The following CEP72 variants were observed in gnomAD, a reference collection of about 807,000 sequenced individuals.
CEP72 encodes the protein centrosomal protein 72.
Under a neutral mutation model 65.7 loss-of-function variants are expected in CEP72, and 78 were observed. That is an observed-to-expected ratio of 1.19 (90% CI 0.99 to 1.43). The LOEUF (loss-of-function observed/expected upper bound fraction) is 1.43, where lower values mean the gene tolerates loss of function less well. Ranked by LOEUF, CEP72 falls within the 40% of genes most tolerant of loss-of-function variation. The pLI is 0.00. For synonymous variants in CEP72, 358 were observed against 351.7 expected, an observed-to-expected ratio of 1.02 and a Z score of -0.20; for missense variants, 914 against 832.9, an observed-to-expected ratio of 1.10 and a Z score of -1.20.
At chr5:657,567 T>G (rs1434766983), downstream of CEP72, among the ~76,000 whole-genome samples, 1 of 152,238 alleles carries the variant, frequency 6.6e-6, no homozygotes, top group Admixed American at 6.5e-5. Flanking sequence ...TCAGGAGGTT[T>G]GACTACTGAT....
intron 5 of CEP72, 46 bp from the exon 6 acceptor site, chr5:635,326 C>A: frequency 1.4e-6 from 2 of 1,414,674 alleles, no homozygotes; most frequent in Non-Finnish European, 1.9e-6. Context: ...TGGAATAAAA[C>A]TTTTACAATG....
intron 1 of CEP72, among the ~76,000 whole-genome samples, chr5:618,134 G>A (rs1452421200): frequency 1.3e-5 from 2 of 152,122 alleles, no homozygotes; most frequent in African/African-American, 4.8e-5. Context: ...AAGTGGAGGC[G>A]GGAGATGAAG....
intron 10 of CEP72, among the ~76,000 whole-genome samples, 153 bp downstream of exon 10, chr5:644,578 G>T (rs1193703558): frequency 6.6e-6 from 1 of 152,222 alleles, no homozygotes; most frequent in Non-Finnish European, 1.5e-5. Flanking sequence ...TGGCTGGGGT[G>T]GAGGCTGCCT....
chr5:666,346 C>T (rs1427224854), intron 4 of CEP72, among the ~76,000 whole-genome samples: 1 of 152,250 alleles, frequency 6.6e-6, no homozygotes, highest in African/African-American at 2.4e-5. Flanking sequence ...CTGCAGGCCG[C>T]TCTGACACAG....
chr5:670,304 G>C (rs151211160), downstream of CEP72, among the ~76,000 whole-genome samples: 1 of 152,144 alleles, frequency 6.6e-6, no homozygotes, highest in African/African-American at 2.4e-5. Flanking sequence ...GCCGGCGGGC[G>C]AGGTGACAGC....
At position 623,178 on chromosome 5, in the gene CEP72, A is replaced by G. The variant is rs2126745004; in HGVS notation, c.404-1293A>G. Among the ~76,000 whole-genome samples the G allele has an allele frequency of 6.6e-6, 1 of 152,236 alleles. No individual in the cohort carries two copies. Among genetic ancestry groups the G allele is most frequent in the African/African-American group, 2.4e-5 (1 of 41,528 alleles). The stretch of plus-strand genomic sequence containing the variant: ...CTCCCTCTTAGTGTTTCTGCAGAGA[A>G]GGAGCGCGACCGTCTCCCCTCTTAG... On this transcript the variant is annotated intron_variant, in intron 3 of 11. Transcript: ENST00000264935. This position sits in a 1 kb window ranked among gnomAD's most constrained non-coding sequence, Gnocchi z 5.3.
chr5:614,847 A>AAT (rs1317407745), intron 1 of CEP72, among the ~76,000 whole-genome samples: 2 of 151,994 alleles, frequency 1.3e-5, no homozygotes, highest in African/African-American at 4.8e-5. Context: ...GGTGCACTTG[A>AAT]GTGTGTGTGT....
At chr5:668,255 G>A (rs76677870), downstream of CEP72, among the ~76,000 whole-genome samples, 63 of 31,898 alleles carry the variant, frequency 2.0e-3, no homozygotes, top group Non-Finnish European at 2.6e-3. Flanking sequence ...AGGGAAGTGC[G>A]GACAAGCACA....
chr5:648,532 AG>A, intron 11 of CEP72, among the ~76,000 whole-genome samples: 1 of 138,692 alleles, frequency 7.2e-6, no homozygotes, highest in East Asian at 2.2e-4. Context: ...TGTGACTGTG[AG>A]GTGTGACTGT....
At chr5:670,240 G>A (rs1740166163), downstream of CEP72, among the ~76,000 whole-genome samples, 1 of 152,174 alleles carries the variant, frequency 6.6e-6, no homozygotes, top group African/African-American at 2.4e-5. Flanking sequence ...TGTGCATCCA[G>A]CACCCTTGTG....
At chr5:641,722 C>T in intron 9 of CEP72, 1 of 984,992 alleles carries the variant, frequency 1.0e-6, no homozygotes, top group Non-Finnish European at 1.2e-6. Flanking sequence ...TGCATTTAAA[C>T]ACACATGGCC....
chr5:659,085 T>C (rs569785384), downstream of CEP72, among the ~76,000 whole-genome samples: 13 of 152,390 alleles, frequency 8.5e-5, no homozygotes, highest in South Asian at 2.7e-3. Context: ...GATGATCTCC[T>C]GTCATCCCGC....
intron 11 of CEP72, among the ~76,000 whole-genome samples, chr5:651,491 C>G (rs888386360): frequency 6.6e-6 from 1 of 151,946 alleles, no homozygotes; most frequent in Non-Finnish European, 1.5e-5. Flanking sequence ...ACCTGGTTCC[C>G]CTGGGCGGTA....
At chr5:674,223 G>T in the CEP72 span, among the ~76,000 whole-genome samples, 1 of 152,198 alleles carries the variant, frequency 6.6e-6, no homozygotes, top group Non-Finnish European at 1.5e-5. Context: ...CGGCACAGAG[G>T]GCACCCAGGG....
chr5:648,522 T>G (rs1360332231), intron 11 of CEP72, among the ~76,000 whole-genome samples: 10 of 66,208 alleles, frequency 1.5e-4, no homozygotes, highest in African/African-American at 1.7e-4. Flanking sequence ...GACTGTGAGG[T>G]GTGACTGTGA....
chr5:620,545 G>A (rs1242332006), intron 3 of CEP72, among the ~76,000 whole-genome samples: 3 of 152,188 alleles, frequency 2.0e-5, no homozygotes, highest in Admixed American at 6.5e-5. Flanking sequence ...CTGGCTCTCC[G>A]CGTCATGGCT....
chr5:647,059 A>C (rs528225363), intron 10 of CEP72, among the ~76,000 whole-genome samples: 1 of 152,226 alleles, frequency 6.6e-6, no homozygotes, highest in Non-Finnish European at 1.5e-5. Flanking sequence ...GTCCATCGAC[A>C]TAGACTTCAC....
chr5:649,311 A>T (rs1481931030), intron 11 of CEP72, among the ~76,000 whole-genome samples: 1 of 111,106 alleles, frequency 9.0e-6, no homozygotes, highest in Non-Finnish European at 1.7e-5. Flanking sequence ...GGCGTGACTG[A>T]GGCGTGACTG....
At chr5:637,938 G>C in intron 7 of CEP72, 120 bp downstream of exon 7, 1 of 980,144 alleles carries the variant, frequency 1.0e-6, no homozygotes, top group Non-Finnish European at 1.5e-6. Flanking sequence ...CCCTGATGCA[G>C]GGCTGTTACG....
Sources: allele counts gnomAD v4.1 joint callset (sites outside exome capture counted in the v4.1 genomes callset), GRCh38; gene constraint gnomAD v4.1.1; non-coding constraint Gnocchi (gnomAD v3.1); transcripts MANE v1.5; gene names NCBI Gene and HGNC (gene_info 2026-07-23, HGNC 2026-07-21).